CYB5B: variants seen among roughly 807,000 people sequenced by gnomAD.
The protein encoded by CYB5B is cytochrome b5 type B, also known as cytochrome b5 type B (outer mitochondrial membrane).
Under a neutral mutation model 21.3 loss-of-function variants are expected in CYB5B, and 14 were observed. The observed-to-expected ratio is 0.66, with a 90% CI of 0.43 to 1.03. CYB5B has a LOEUF of 1.03. Ranked by LOEUF, CYB5B falls within the 50% of genes least tolerant of loss-of-function variation. CYB5B has a pLI of 0.00. For missense variants in CYB5B, 166 were observed against 185.1 expected, an observed-to-expected ratio of 0.90 and a Z score of 0.60; for synonymous variants, 69 against 68.4, an observed-to-expected ratio of 1.01 and a Z score of -0.04.
rs79981080 is a variant in CYB5B, at chr16:69,458,091, A to G, written c.334-1002A>G. On this transcript the variant is annotated intron_variant, in intron 3 of 4. Transcript: ENST00000307892. ...ACTATACAGCTGGTTAATGGAATCA[A>G]TAACTCGTTTGATACTTGAATTGAG... Among the ~76,000 whole-genome samples the G allele has an allele frequency of 5.9e-3, 905 of 152,368 alleles. 9 individuals are homozygous for G. The highest frequency in any genetic ancestry group is 0.02 in the African/African-American group (836 of 41,590).
chr16:69,459,145 C>T lies in CYB5B; in HGVS notation c.362+24C>T, dbSNP rs1285668365. On this transcript the variant is annotated intron_variant, in intron 4 of 4. Coordinates refer to ENST00000307892, the MANE Select transcript of CYB5B (RefSeq NM_030579.3). ...AGGTTAGTATCTCCTTAACAGCTTT[C>T]CATACGTTCAAGGTAATGTCTGGCA... is the stretch of plus-strand genomic sequence containing the variant. 2.5e-6 allele frequency: 4 copies of T among 1,601,674 alleles called. No homozygotes were observed. The East Asian group carries it at 9.0e-5, about 36-fold the overall frequency.
Position 69,462,419 on chromosome 16 carries a change from C to G in CYB5B, c.363-11C>G. 6.2e-7 allele frequency: 1 copy of G among 1,603,248 alleles called. No individual in the cohort carries two copies. The highest frequency in any genetic ancestry group is 1.1e-5 in the South Asian group (1 of 90,818). ...ATTAACAACTTTATTGCTTTCTCCC[C>G]CTATTCCTAGTTGCTGGGCATATTG... On this transcript the variant is annotated splice_polypyrimidine_tract_variant and intron_variant, in intron 4 of 4. Coordinates refer to ENST00000307892, the MANE Select transcript of CYB5B (RefSeq NM_030579.3).
At chr16:69,430,920 G>A (rs942737884) in intron 1 of CYB5B, among the ~76,000 whole-genome samples, 28 of 151,916 alleles carry the variant, frequency 1.8e-4, no homozygotes, top group Non-Finnish European at 3.8e-4. Context: ...TGATTCACCC[G>A]CCTCGGCCTC....
intron 3 of CYB5B, among the ~76,000 whole-genome samples, chr16:69,452,133 G>A (rs1253514703): frequency 6.6e-6 from 1 of 151,302 alleles, no homozygotes; most frequent in African/African-American, 2.4e-5. Context: ...GTAAAAAGCT[G>A]GCCGGGCGCG....
intron 4 of CYB5B, among the ~76,000 whole-genome samples, chr16:69,460,323 A>G (rs1471110751): frequency 6.6e-6 from 1 of 152,226 alleles, no homozygotes; most frequent in East Asian, 1.9e-4. Flanking sequence ...GGTAGAAGAT[A>G]TAAAGAATTC....
At position 69,462,543 on chromosome 16, in the gene CYB5B, A is replaced by C. The variant is rs751019701; in HGVS notation, c.*23A>C. The C allele has an allele frequency of 5.0e-6, 8 of 1,602,364 alleles. No individual in the cohort carries two copies. The South Asian group carries it at 6.6e-5, about 13-fold the overall frequency. ...TGAGGAGGCCTTGCTGAAGTTAGAA[A>C]GTGCATCCACTTTGGGGCGAAAACT... On this transcript the variant is annotated 3_prime_UTR_variant, in exon 5 of 5. Coordinates refer to ENST00000307892, the MANE Select transcript of CYB5B (RefSeq NM_030579.3).
intron 1 of CYB5B, among the ~76,000 whole-genome samples, chr16:69,442,187 ATAAT>A (rs1388483232): frequency 6.6e-6 from 1 of 152,224 alleles, no homozygotes; most frequent in Non-Finnish European, 1.5e-5. Flanking sequence ...ACTGCATATA[ATAAT>A]TAGTTATAAT....
chr16:69,451,454 G>A (rs577400222), intron 3 of CYB5B, among the ~76,000 whole-genome samples: 40 of 152,156 alleles, frequency 2.6e-4, no homozygotes, highest in African/African-American at 8.9e-4. Context: ...CATACAAATC[G>A]TAACCTGACT....
At chr16:69,457,972 A>G (rs573143724) in intron 3 of CYB5B, among the ~76,000 whole-genome samples, 1 of 152,284 alleles carries the variant, frequency 6.6e-6, no homozygotes, top group East Asian at 1.9e-4. Flanking sequence ...ATACCCTGAT[A>G]TACTTCTACA....
At position 69,464,684 on chromosome 16, in the gene CYB5B, G is replaced by T. The variant is rs1172501030; in HGVS notation, c.*2164G>T. On this transcript the variant is annotated 3_prime_UTR_variant, in exon 5 of 5. Coordinates refer to ENST00000307892, the MANE Select transcript of CYB5B (RefSeq NM_030579.3). Reference sequence around the variant, plus strand: ...AAGAACTACCATCTTAAGTAAAATTGGTGTTTTTGTTATTTTTAAGGTAAA... The same window carrying T: ...AAGAACTACCATCTTAAGTAAAATTTGTGTTTTTGTTATTTTTAAGGTAAA... 4 of 152,582 alleles carry T rather than the reference G, an allele frequency of 2.6e-5. No individual in the cohort carries two copies. The highest frequency in any genetic ancestry group is 7.2e-5 in the African/African-American group (3 of 41,426). The allele number at this position is 152,582 out of a possible 1,614,324, so 9.5% of individuals were successfully genotyped here.
intron 1 of CYB5B, among the ~76,000 whole-genome samples, chr16:69,444,734 A>C (rs980482372): frequency 6.6e-6 from 1 of 152,130 alleles, no homozygotes; most frequent in Non-Finnish European, 1.5e-5. Flanking sequence ...AACACAAAAA[A>C]CTTTTATTTA....
At position 69,446,346 on chromosome 16, in the gene CYB5B, C is replaced by CAA. The variant is rs1362702880; in HGVS notation, c.175-803_175-802insAA. 2.0e-5 allele frequency among the ~76,000 whole-genome samples: 3 copies of CAA among 152,254 alleles called. No individual in the cohort carries two copies. The East Asian group carries it at 5.8e-4, about 29-fold the overall frequency. ...ATTTATTTATTCATTTATTTTGAGT[C>CAA]AGAGTCTCACTCTTTTGCCCAGGCT... On this transcript the variant is annotated intron_variant, in intron 1 of 4. Coordinates refer to ENST00000307892, the MANE Select transcript of CYB5B (RefSeq NM_030579.3).
chr16:69,447,133 A>T lies in CYB5B; in HGVS notation c.175-17A>T, dbSNP rs764131629. 477 of 1,612,664 alleles carry T rather than the reference A, an allele frequency of 3.0e-4. 1 individual carries two copies. The highest frequency in any genetic ancestry group is 6.7e-5 in the Non-Finnish European group (79 of 1,179,310). ...TTTCAGAGAACCCTCGGTTCAGTAA[A>T]TATCTTTTCCTTGTAGCACCCTGGA... On this transcript the variant is annotated splice_polypyrimidine_tract_variant and intron_variant, in intron 1 of 4. Transcript: ENST00000307892.
At chr16:69,446,735 A>T (rs1287838361) in intron 1 of CYB5B, among the ~76,000 whole-genome samples, 1 of 152,212 alleles carries the variant, frequency 6.6e-6, no homozygotes, top group Admixed American at 6.5e-5. Flanking sequence ...TTCTGCAGCT[A>T]TCTCAATAAT....
At chr16:69,444,512 T>A (rs1316190364) in intron 1 of CYB5B, among the ~76,000 whole-genome samples, 2 of 152,312 alleles carry the variant, frequency 1.3e-5, no homozygotes, top group East Asian at 3.9e-4. Flanking sequence ...TCGCTAACTC[T>A]ATCTGGAGAC....
intron 1 of CYB5B, among the ~76,000 whole-genome samples, chr16:69,437,877 T>C (rs1309074772): frequency 2.0e-5 from 3 of 152,250 alleles, no homozygotes; most frequent in African/African-American, 7.2e-5. Flanking sequence ...ATTTGTCATT[T>C]TGTATTTGGC....
rs1374023604 is a variant in CYB5B at position 69,434,647 on chromosome 16, C to T, written c.174+9790C>T. ...TTGGGAGGCTGAGGTGGGCAGATCACGAGGTCAGCAGATCGAGACCAGCCT... is the reference window on the plus strand; with the variant it reads ...TTGGGAGGCTGAGGTGGGCAGATCATGAGGTCAGCAGATCGAGACCAGCCT... On this transcript the variant is annotated intron_variant, in intron 1 of 4. Transcript: ENST00000307892. Among the ~76,000 whole-genome samples the T allele has an allele frequency of 4.6e-5, 7 of 152,026 alleles. 1 individual carries two copies. Among genetic ancestry groups the T allele is most frequent in the Non-Finnish European group, 1.0e-4 (7 of 68,004 alleles).
intron 3 of CYB5B, chr16:69,450,219 C>CAAAAAA: frequency 1.2e-5 from 1 of 85,480 alleles, no homozygotes; most frequent in African/African-American, 5.0e-5. Flanking sequence ...GACCCCATCT[C>CAAAAAA]AAAAAAAAAA....
At chr16:69,457,293 G>T (rs890425848) in intron 3 of CYB5B, among the ~76,000 whole-genome samples, 7 of 152,154 alleles carry the variant, frequency 4.6e-5, no homozygotes, top group Non-Finnish European at 7.4e-5. Context: ...TTGAAATTTA[G>T]AGAATCCATT....
Sources: allele counts gnomAD v4.1 joint callset (sites outside exome capture counted in the v4.1 genomes callset), GRCh38; gene constraint gnomAD v4.1.1; transcripts MANE v1.5; gene names NCBI Gene and HGNC (gene_info 2026-07-23, HGNC 2026-07-21).